The following RFC3 variants were observed in gnomAD, a reference collection of about 807,000 sequenced individuals.
RFC3 encodes the protein replication factor C subunit 3, also known as A1 38 kDa subunit.
Under a neutral mutation model 45.1 loss-of-function variants are expected in RFC3, and 41 were observed. The observed-to-expected ratio is 0.91, with a 90% CI of 0.71 to 1.18. RFC3 has a LOEUF of 1.18. RFC3 is among the 50% of genes most tolerant of loss of function. The pLI is 0.00. For synonymous variants in RFC3, 149 were observed against 144.0 expected (o/e 1.03, Z -0.25); for missense variants, 423 against 428.1 (o/e 0.99, Z 0.10).
chr13:33,878,782 T>A (rs1388584340), intron 8 of RFC3, among the ~76,000 whole-genome samples: 1 of 152,176 alleles, frequency 6.6e-6, no homozygotes, highest in Non-Finnish European at 1.5e-5. Context: ...CATGAGCTTA[T>A]CTGCTGCTTG....
At chr13:33,975,756 G>C in the RFC3 span, among the ~76,000 whole-genome samples, 1 of 152,090 alleles carries the variant, frequency 6.6e-6, no homozygotes, top group African/African-American at 2.4e-5. Context: ...CTGCCCAACA[G>C]GTATGTGGAT....
intron 8 of RFC3, among the ~76,000 whole-genome samples, chr13:33,897,416 A>C (rs955579086): frequency 2.0e-5 from 3 of 152,064 alleles, no homozygotes; most frequent in Non-Finnish European, 4.4e-5. Flanking sequence ...AAAAACCTAT[A>C]ATAGAGTCAC....
intron 8 of RFC3, among the ~76,000 whole-genome samples, chr13:33,935,263 T>C (rs754893449): frequency 2.0e-5 from 3 of 152,170 alleles, no homozygotes; most frequent in Non-Finnish European, 2.9e-5. Context: ...AAAAATGCCA[T>C]CAACTTCCTA....
chr13:33,907,297 A>G (rs1014955719), intron 8 of RFC3, among the ~76,000 whole-genome samples: 1 of 152,084 alleles, frequency 6.6e-6, no homozygotes, highest in African/African-American at 2.4e-5. Context: ...TTGAGTTGCA[A>G]TCTTTATACA....
At chr13:33,850,285 T>C (rs1041315550) in intron 8 of RFC3, 1 of 152,114 alleles carries the variant, frequency 6.6e-6, no homozygotes, top group African/African-American at 2.4e-5. Context: ...TTATCAAAAT[T>C]GGTGTAAAAT....
chr13:33,850,665 G>T (rs953139651), intron 8 of RFC3: 1 of 152,210 alleles, frequency 6.6e-6, no homozygotes, highest in East Asian at 1.9e-4. Context: ...ATTAGCAAAA[G>T]TATATCTAAA....
intron 5 of RFC3, 54 bp downstream of exon 5, chr13:33,830,071 T>C (rs2139406035): frequency 2.8e-6 from 4 of 1,433,674 alleles, no homozygotes; most frequent in Non-Finnish European, 3.9e-6. Context: ...TCTCTGAATA[T>C]TGTATGCTTG....
rs149309828 is a variant in RFC3, at chr13:33,965,372, T to G, written c.880-715T>G. The stretch of plus-strand genomic sequence containing the variant: ...TTATGTTTAGATACACAAATACCAT[T>G]GCCAAGAGTATTCAGTACAGTAACA... On this transcript the variant is annotated intron_variant, in intron 8 of 8. Transcript: ENST00000434425. 3.5e-3 allele frequency among the ~76,000 whole-genome samples: 533 copies of G among 152,234 alleles called. 3 individuals are homozygous for G. Among genetic ancestry groups the G allele is most frequent in the African/African-American group, 0.012 (501 of 41,518 alleles).
chr13:33,865,598 A>G (rs973867601), intron 8 of RFC3, among the ~76,000 whole-genome samples: 2 of 152,216 alleles, frequency 1.3e-5, no homozygotes, highest in South Asian at 2.1e-4. Flanking sequence ...CAATCAATCA[A>G]TCAATTATAA....
intron 8 of RFC3, among the ~76,000 whole-genome samples, chr13:33,885,032 A>G (rs946203959): frequency 5.3e-5 from 8 of 152,192 alleles, no homozygotes; most frequent in Non-Finnish European, 8.8e-5. Flanking sequence ...GAAGAGGCAC[A>G]GTGGGCTCCT....
intron 8 of RFC3, among the ~76,000 whole-genome samples, chr13:33,908,453 C>T (rs537760422): frequency 6.6e-6 from 1 of 152,080 alleles, no homozygotes; most frequent in East Asian, 1.9e-4. Flanking sequence ...AGCTTGAACC[C>T]TAGTTCTCAC....
At chr13:33,899,977 G>T (rs551695515) in intron 8 of RFC3, among the ~76,000 whole-genome samples, 7 of 152,020 alleles carry the variant, frequency 4.6e-5, no homozygotes, top group African/African-American at 1.4e-4. Flanking sequence ...AATTGAATAA[G>T]TGAAAGATCT....
chr13:33,909,650 T>C (rs916669638), intron 8 of RFC3, among the ~76,000 whole-genome samples: 2 of 152,068 alleles, frequency 1.3e-5, no homozygotes, highest in Non-Finnish European at 2.9e-5. Flanking sequence ...AATAAATAGG[T>C]TGCCCTAGGT....
At chr13:33,933,609 G>A (rs2082866326) in intron 8 of RFC3, among the ~76,000 whole-genome samples, 1 of 151,952 alleles carries the variant, frequency 6.6e-6, no homozygotes, top group Admixed American at 6.6e-5. Flanking sequence ...ATTTAATAAT[G>A]TACAAAGTAT....
chr13:33,967,379 A>C (rs757436528), downstream of RFC3, among the ~76,000 whole-genome samples: 9 of 152,104 alleles, frequency 5.9e-5, no homozygotes, highest in Non-Finnish European at 1.3e-4. Context: ...TTTAAGAAAC[A>C]CTACTATTTA....
chr13:33,933,826 T>A (rs2082868090), intron 8 of RFC3, among the ~76,000 whole-genome samples: 3 of 152,080 alleles, frequency 2.0e-5, no homozygotes, highest in South Asian at 4.1e-4. Context: ...CTTTTAAAGT[T>A]AAAATTTGGG....
In RFC3 at chr13:33,851,317, C is replaced by T. The variant is rs979037474; in HGVS notation, c.879+16100C>T. Among the ~76,000 whole-genome samples the T allele has an allele frequency of 6.6e-5, 10 of 152,160 alleles. No individual in the cohort carries two copies. The South Asian group carries it at 8.3e-4, about 13-fold the overall frequency. ...AATGTCGGGGGTTGGAGCATCAACC[C>T]GTCACAGTTGAAAATCAACATAGAA... On this transcript the variant is annotated intron_variant, in intron 8 of 8. Coordinates refer to the RFC3 transcript ENST00000434425.
intron 8 of RFC3, among the ~76,000 whole-genome samples, chr13:33,920,294 T>C (rs967890480): frequency 2.0e-5 from 3 of 152,042 alleles, no homozygotes; most frequent in African/African-American, 7.2e-5. Context: ...TCTCAAGAAA[T>C]TTATTCTTCC....
chr13:33,831,794 G>A (rs2082107458), intron 7 of RFC3, among the ~76,000 whole-genome samples: 1 of 152,070 alleles, frequency 6.6e-6, no homozygotes, highest in African/African-American at 2.4e-5. Flanking sequence ...CTAGCTAAGT[G>A]TTCTTGATCA....
Sources: gnomAD v4.1 joint callset for allele counts (sites outside exome capture counted in the v4.1 genomes callset) on GRCh38, gnomAD v4.1.1 for gene constraint, MANE v1.5 for transcripts, NCBI Gene and HGNC (gene_info 2026-07-23, HGNC 2026-07-21) for gene names.